The following PKHD1 variants were observed in gnomAD, a reference collection of about 807,000 sequenced individuals.
PKHD1 encodes PKHD1 ciliary IPT domain containing fibrocystin/polyductin, also known as fibrocystin.
PKHD1 carries 291 observed loss-of-function variants against 412.0 expected under a neutral mutation model. The observed-to-expected ratio is 0.71, with a 90% CI of 0.64 to 0.78. PKHD1 has a LOEUF of 0.78. Ranked by LOEUF, PKHD1 falls within the 30% of genes least tolerant of loss-of-function variation. The pLI is 0.00. For missense variants in PKHD1, 4,825 were observed against 4,950.7 expected (o/e 0.97, Z 0.76); for synonymous variants, 1,777 against 1,821.5 (o/e 0.98, Z 0.62).
intron 27 of PKHD1, among the ~76,000 whole-genome samples, chr6:52,038,515 A>G (rs1804310404): frequency 6.6e-6 from 1 of 152,150 alleles, no homozygotes; most frequent in African/African-American, 2.4e-5. Context: ...GATTGCCTAT[A>G]AGACACCAGA....
In PKHD1 at chr6:51,753,372, T is replaced by G. The variant is rs1326605; in HGVS notation, c.8798-19A>C. On this transcript the variant is annotated intron_variant, in intron 56 of 66. Transcript: ENST00000371117. Reference sequence around the variant, plus strand: ...ACACTTCCTGGGGCAATAGGAGTTGTGGGAAAAAAAAACTTTAAAAACCTG... The same window carrying G: ...ACACTTCCTGGGGCAATAGGAGTTGGGGGAAAAAAAAACTTTAAAAACCTG... 1,139,666 of 1,598,106 alleles carry G rather than the reference T, an allele frequency of 0.71. 406,795 individuals carry two copies. The highest frequency in any genetic ancestry group is 0.93 in the East Asian group (41,465 of 44,560).
At chr6:51,899,209 A>C (rs1170360629) in intron 43 of PKHD1, among the ~76,000 whole-genome samples, 2 of 151,268 alleles carry the variant, frequency 1.3e-5, no homozygotes, top group Non-Finnish European at 2.9e-5. Context: ...CAGAGACACA[A>C]CCAAAAAAGA....
In PKHD1 at chr6:52,017,475, T is replaced by C. The variant is rs140036742; in HGVS notation, c.5535A>G (p.Gln1845=). 30 of 1,614,048 alleles carry C rather than the reference T, an allele frequency of 1.9e-5. No individual in the cohort carries two copies. Among genetic ancestry groups the C allele is most frequent in the South Asian group, 3.3e-5 (3 of 91,076 alleles). Residue 1845 remains glutamine, a synonymous_variant, in exon 34 of 67, where the codon CAA becomes CAG. Transcript: ENST00000371117. The part of the protein sequence containing the change: ...PYLYICEESS[Q]CLFVPDHWAE... The stretch of plus-strand genomic sequence containing the variant: ...CCCAATGATCTGGCACAAAGAGGCA[T>C]TGGGAACTTTCCTCGCAAATGTAGA...
intron 59 of PKHD1, among the ~76,000 whole-genome samples, chr6:51,745,255 T>C (rs1197802804): frequency 8.5e-5 from 13 of 152,190 alleles, no homozygotes; most frequent in Admixed American, 5.9e-4. Flanking sequence ...TCAAATTTCA[T>C]GTTGAAACTT....
chr6:51,822,348 ATCCTCCTTG>A (rs1766582846), intron 52 of PKHD1, among the ~76,000 whole-genome samples: 1 of 152,092 alleles, frequency 6.6e-6, no homozygotes, highest in African/African-American at 2.4e-5. Context: ...CCAAATTACC[ATCCTCCTTG>A]TCCTCCTTGG....
At chr6:51,664,369 G>A (rs565208516) in intron 60 of PKHD1, among the ~76,000 whole-genome samples, 1 of 152,190 alleles carries the variant, frequency 6.6e-6, no homozygotes, top group Non-Finnish European at 1.5e-5. Context: ...TGCAGGGTTG[G>A]AGCCCGAGAG....
intron 37 of PKHD1, among the ~76,000 whole-genome samples, chr6:51,927,680 T>G (rs536772308): frequency 9.3e-4 from 142 of 152,314 alleles, no homozygotes; most frequent in Non-Finnish European, 1.6e-3. Flanking sequence ...TGTCTGCATA[T>G]GCAGCCTATT....
rs1782598994 is a variant in PKHD1, at chr6:51,909,275, C to A, written c.6682+8G>T. ...ACATGAGAAAGTCCTAGGTCCGGAC[C>A]CCCTTACCTCTCATAGCTCCCACCA... On this transcript the variant is annotated splice_region_variant and intron_variant, in intron 40 of 66. Transcript: ENST00000371117. 6.2e-7 allele frequency: 1 copy of A among 1,610,202 alleles called. No individual in the cohort carries two copies. Among genetic ancestry groups the A allele is most frequent in the South Asian group, 1.1e-5 (1 of 91,002 alleles).
At chr6:51,692,694 TA>T (rs1778320033) in intron 60 of PKHD1, among the ~76,000 whole-genome samples, 1 of 152,178 alleles carries the variant, frequency 6.6e-6, no homozygotes, top group South Asian at 2.1e-4. Context: ...TTCTATATAA[TA>T]AACATCACCT....
rs552183650 is a variant in PKHD1, at chr6:51,756,421, C to T, written c.8643-1483G>A. Among the ~76,000 whole-genome samples the T allele has an allele frequency of 1.1e-3, 167 of 152,190 alleles. 1 individual carries two copies. The South Asian group carries it at 0.016, about 15-fold the overall frequency. Reference sequence around the variant, plus strand: ...TTTTCCACTAAATAATCTCACTTTGCCTGTCTTATTTTTAGTTCTTCAGGT... The same window carrying T: ...TTTTCCACTAAATAATCTCACTTTGTCTGTCTTATTTTTAGTTCTTCAGGT... On this transcript the variant is annotated intron_variant, in intron 55 of 66. Transcript: ENST00000371117.
chr6:51,812,904 T>TA (rs1163873131), intron 52 of PKHD1, among the ~76,000 whole-genome samples: 1 of 152,196 alleles, frequency 6.6e-6, no homozygotes. Flanking sequence ...CACTCCTTTC[T>TA]ATTGATTCCA....
chr6:51,702,684 C>A (rs1402318776), intron 60 of PKHD1, among the ~76,000 whole-genome samples: 1 of 151,558 alleles, frequency 6.6e-6, no homozygotes. Flanking sequence ...CTAGAAAAAG[C>A]AAATTTAGAA....
intron 52 of PKHD1, among the ~76,000 whole-genome samples, chr6:51,798,012 C>A (rs889356830): frequency 1.4e-4 from 21 of 152,130 alleles, no homozygotes; most frequent in African/African-American, 5.1e-4. Flanking sequence ...GCCAAATTCC[C>A]TCAGCATTTG....
chr6:51,857,299 G>A (rs761030053), intron 48 of PKHD1, among the ~76,000 whole-genome samples: 28 of 152,112 alleles, frequency 1.8e-4, no homozygotes, highest in African/African-American at 5.6e-4. Context: ...GCATTTTGCC[G>A]CAGGCAGATA....
At chr6:51,725,658 A>G (rs997750466) in intron 60 of PKHD1, among the ~76,000 whole-genome samples, 1 of 152,208 alleles carries the variant, frequency 6.6e-6, no homozygotes, top group African/African-American at 2.4e-5. Context: ...ACAACGAGGA[A>G]CAATTGTCTA....
At chr6:51,996,378 T>C (rs1271737238) in intron 35 of PKHD1, among the ~76,000 whole-genome samples, 1 of 152,162 alleles carries the variant, frequency 6.6e-6, no homozygotes, top group Non-Finnish European at 1.5e-5. Flanking sequence ...TGTAACAGAC[T>C]ATTTCTTTCC....
At position 52,043,067 on chromosome 6, in the gene PKHD1, C is replaced by T; in HGVS notation, c.2889G>A (p.Gln963=). ...TGCAACTCGTTTTGTTCACTGTAAC[C>T]TGCAAGAACTGGGAGTCACCAGAGA... ...TGFSGDSQFL[Q]VTVNKTSCKV... The change falls in exon 27 of 67, where the codon CAG becomes CAA. Residue 963 remains glutamine (Q), a synonymous_variant. Coordinates refer to ENST00000371117, the MANE Select transcript of PKHD1 (RefSeq NM_138694.4). 1 of 1,613,804 alleles carries T rather than the reference C, an allele frequency of 6.2e-7. No individual in the cohort carries two copies. Among genetic ancestry groups the T allele is most frequent in the East Asian group, 2.2e-5 (1 of 44,880 alleles).
At chr6:51,625,933 T>C (rs890304818) in intron 66 of PKHD1, among the ~76,000 whole-genome samples, 7 of 152,202 alleles carry the variant, frequency 4.6e-5, no homozygotes, top group Non-Finnish European at 1.0e-4. Context: ...TTTATTTCAA[T>C]AGCACTCCCA....
intron 36 of PKHD1, among the ~76,000 whole-genome samples, chr6:51,945,940 T>G (rs1219449636): frequency 6.6e-6 from 1 of 152,252 alleles, no homozygotes; most frequent in Non-Finnish European, 1.5e-5. Flanking sequence ...GAAAAACATG[T>G]GTGAACCTAA....
Sources: allele counts gnomAD v4.1 joint callset (sites outside exome capture counted in the v4.1 genomes callset), GRCh38; gene constraint gnomAD v4.1.1; transcripts MANE v1.5; gene names NCBI Gene and HGNC (gene_info 2026-07-23, HGNC 2026-07-21).